The following MYLK variants were observed in gnomAD, a reference collection of about 807,000 sequenced individuals.
MYLK encodes the protein myosin light chain kinase, also known as myosin light chain kinase, smooth muscle.
In MYLK, 106 loss-of-function variants were observed where a neutral mutation model predicts 203.4. The ratio of observed to expected loss-of-function variants is 0.52; its 90% CI spans 0.45 to 0.61. The LOEUF is 0.61. Among genes scored for constraint, MYLK ranks in the 20% least tolerant of loss-of-function variants. The pLI is 0.00. For missense variants in MYLK, 2,072 were observed against 2,442.3 expected, an observed-to-expected ratio of 0.85 and a Z score of 3.20; for synonymous variants, 867 against 959.5, an observed-to-expected ratio of 0.90 and a Z score of 1.78.
chr3:123,667,514 G>A (rs1329183522), intron 20 of MYLK, among the ~76,000 whole-genome samples: 1 of 151,872 alleles, frequency 6.6e-6, no homozygotes, highest in Non-Finnish European at 1.5e-5. Context: ...TGAGGCAGGA[G>A]AATCGCTTTA....
intron 4 of MYLK, among the ~76,000 whole-genome samples, chr3:123,788,897 T>C (rs1331643718): frequency 1.3e-5 from 2 of 151,902 alleles, no homozygotes; most frequent in African/African-American, 4.8e-5. Context: ...ACTAAAGTAT[T>C]AGCTCATCTG....
intron 20 of MYLK, among the ~76,000 whole-genome samples, chr3:123,667,463 G>T (rs186322942): frequency 6.6e-6 from 1 of 152,150 alleles, no homozygotes; most frequent in East Asian, 1.9e-4. Flanking sequence ...AATTAGCTGG[G>T]CATGGTGGTG....
At chr3:123,721,736 G>A (rs1432119314) in intron 13 of MYLK, among the ~76,000 whole-genome samples, 1 of 150,928 alleles carries the variant, frequency 6.6e-6, no homozygotes, top group South Asian at 2.1e-4. Context: ...AGTGTGCGAG[G>A]TTTTCTTCTG....
At position 123,837,423 on chromosome 3, in the gene MYLK, T is replaced by C. The variant is rs2148639188; in HGVS notation, c.-126-5753A>G. Among the ~76,000 whole-genome samples the C allele has an allele frequency of 2.0e-5, 3 of 151,116 alleles. No homozygotes were observed. In the Middle Eastern group the frequency reaches 0.011, roughly 532 times the overall value. On this transcript the variant is annotated intron_variant, in intron 2 of 33. Transcript: ENST00000360304. ...TCCTTCCTGATTCTAACCAGAGTTT[T>C]ATCAATGTAGCCTTTGAACATAAAA...
Position 123,629,705 on chromosome 3 carries a change from G to A in MYLK, c.4962-79C>T. On this transcript the variant is annotated intron_variant, in intron 29 of 33. Transcript: ENST00000360304. This position sits in a 1 kb window ranked among gnomAD's most constrained non-coding sequence, Gnocchi z 4.4. ...AGGTGAGTGGTAACTGAGGTCAAAG[G>A]CGAGGGTCGGCCAGCCTCCCCACCC... 6.5e-7 allele frequency: 1 copy of A among 1,533,076 alleles called. No individual in the cohort carries two copies. The highest frequency in any genetic ancestry group is 2.3e-4 in the Middle Eastern group (1 of 4,292). The allele number at this position is 1,533,076 out of a possible 1,614,324, so 95.0% of individuals were successfully genotyped here.
Position 123,626,813 on chromosome 3 carries a change from AT to A in MYLK, c.5238+4del. On this transcript the variant is annotated splice_donor_region_variant and intron_variant, in intron 31 of 33. Coordinates refer to ENST00000360304, the MANE Select transcript of MYLK (RefSeq NM_053025.4). ...CATCCCAGTCCAAAGTGACCCTCTC[AT>A]TACCTGCCATTTCCTTCTTGCCATG... 2 of 1,614,170 alleles carry A rather than the reference AT, an allele frequency of 1.2e-6. No homozygotes were observed. The highest frequency in any genetic ancestry group is 1.7e-6 in the Non-Finnish European group (2 of 1,180,020).
chr3:123,875,315 C>A (rs922736532), intron 2 of MYLK, among the ~76,000 whole-genome samples: 1 of 152,102 alleles, frequency 6.6e-6, no homozygotes, highest in African/African-American at 2.4e-5. Flanking sequence ...ATATACCCAC[C>A]ACCATGGATG....
intron 4 of MYLK, among the ~76,000 whole-genome samples, chr3:123,778,333 T>C (rs1191272453): frequency 2.0e-5 from 3 of 151,744 alleles, no homozygotes; most frequent in African/African-American, 7.3e-5. Context: ...GAATCATCAA[T>C]CCCCATCTCT....
chr3:123,715,052 G>T (rs1438994515), intron 13 of MYLK, among the ~76,000 whole-genome samples: 1 of 152,170 alleles, frequency 6.6e-6, no homozygotes, highest in Admixed American at 6.5e-5. Flanking sequence ...AGCAAAGGAA[G>T]GGGGAGAGAA....
At chr3:123,738,356 G>C (rs1285170044) in intron 7 of MYLK, among the ~76,000 whole-genome samples, 2 of 152,150 alleles carry the variant, frequency 1.3e-5, no homozygotes, top group Non-Finnish European at 2.9e-5. Flanking sequence ...GAGTAACAGA[G>C]GGAGAGTTGT....
intron 4 of MYLK, among the ~76,000 whole-genome samples, chr3:123,765,880 A>G (rs1230547243): frequency 6.6e-6 from 1 of 152,178 alleles, no homozygotes; most frequent in Non-Finnish European, 1.5e-5. Context: ...ATTCATAGAG[A>G]CAGAAAGTAG....
intron 2 of MYLK, among the ~76,000 whole-genome samples, chr3:123,858,408 T>C (rs943900837): frequency 6.6e-6 from 1 of 152,166 alleles, no homozygotes; most frequent in Non-Finnish European, 1.5e-5. Flanking sequence ...TTTCTGTTGC[T>C]TATAACAGAA....
chr3:123,677,918 T>TATATATAGACAC (rs1273803739), intron 20 of MYLK, among the ~76,000 whole-genome samples: 1 of 78,918 alleles, frequency 1.3e-5, no homozygotes, highest in African/African-American at 6.1e-5. Flanking sequence ...TATATATATA[T>TATATATAGACAC]ACACACACAC....
intron 9 of MYLK, 26 bp from the exon 10 acceptor site, chr3:123,734,248 G>A (rs1431468476): frequency 7.0e-7 from 1 of 1,420,968 alleles, no homozygotes. Flanking sequence ...GGTGGGGGTA[G>A]GGTGGGTGAG....
intron 2 of MYLK, among the ~76,000 whole-genome samples, chr3:123,850,077 C>T (rs956280196): frequency 1.3e-5 from 2 of 152,152 alleles, no homozygotes; most frequent in Non-Finnish European, 2.9e-5. Flanking sequence ...ATAAACTCAT[C>T]CTTTTTTATG....
intron 16 of MYLK, among the ~76,000 whole-genome samples, chr3:123,706,263 G>A (rs893365941): frequency 3.3e-5 from 5 of 152,282 alleles, no homozygotes; most frequent in East Asian, 1.9e-4. Context: ...GGGGTGGTTC[G>A]TTATGCAGCA....
chr3:123,734,249 G>C (rs904928318), intron 9 of MYLK, 27 bp from the exon 10 acceptor site: 1 of 1,420,522 alleles, frequency 7.0e-7, no homozygotes, highest in Non-Finnish European at 9.3e-7. Flanking sequence ...GTGGGGGTAG[G>C]GTGGGTGAGG....
At chr3:123,825,453 T>C (rs914323350) in intron 3 of MYLK, among the ~76,000 whole-genome samples, 1 of 152,198 alleles carries the variant, frequency 6.6e-6, no homozygotes, top group African/African-American at 2.4e-5. Context: ...CCCACTGGCA[T>C]TGCAAACACC....
At chr3:123,825,429 G>A (rs2066082905) in intron 3 of MYLK, among the ~76,000 whole-genome samples, 1 of 152,166 alleles carries the variant, frequency 6.6e-6, no homozygotes, top group Non-Finnish European at 1.5e-5. Flanking sequence ...ATAAGCAGAA[G>A]ATCCCCACCG....
Sources: allele counts gnomAD v4.1 joint callset (sites outside exome capture counted in the v4.1 genomes callset), GRCh38; gene constraint gnomAD v4.1.1; non-coding constraint Gnocchi (gnomAD v3.1); transcripts MANE v1.5; gene names NCBI Gene and HGNC (gene_info 2026-07-23, HGNC 2026-07-21).